ADRA1B: variants seen among roughly 807,000 people sequenced by gnomAD.
ADRA1B encodes alpha-1B adrenergic receptor.
Under a neutral mutation model 17.9 loss-of-function variants are expected in ADRA1B, and 17 were observed. The observed-to-expected ratio is 0.95, with a 90% confidence interval of 0.65 to 1.42. ADRA1B has a LOEUF of 1.42. Ranked by LOEUF, ADRA1B falls within the 40% of genes most tolerant of loss-of-function variation. The pLI is 0.00. For missense variants in ADRA1B, 681 were observed against 722.1 expected (o/e 0.94, Z 0.65); for synonymous variants, 366 against 327.6 (o/e 1.12, Z -1.27).
intron 1 of ADRA1B, among the ~76,000 whole-genome samples, chr5:159,909,676 G>A (rs904873037): frequency 1.3e-5 from 2 of 152,200 alleles, no homozygotes; most frequent in African/African-American, 4.8e-5. Flanking sequence ...GACAAGGAAG[G>A]CCGGCATCAA....
At chr5:159,975,300 A>T (rs1755955043), downstream of ADRA1B, among the ~76,000 whole-genome samples, 1 of 152,170 alleles carries the variant, frequency 6.6e-6, no homozygotes, top group African/African-American at 2.4e-5. Flanking sequence ...AATGATGTTT[A>T]AAAATCACTG....
chr5:159,983,679 T>C, the ADRA1B span, among the ~76,000 whole-genome samples: 2 of 152,148 alleles, frequency 1.3e-5, no homozygotes, highest in Non-Finnish European at 2.9e-5. Flanking sequence ...ATCATCTGTT[T>C]GCATAAAATG....
chr5:159,867,606 T>C (rs998564686), intron 1 of ADRA1B, among the ~76,000 whole-genome samples: 1 of 152,154 alleles, frequency 6.6e-6, no homozygotes, highest in Non-Finnish European at 1.5e-5. Flanking sequence ...CAAGGGGTTT[T>C]TCCACATCAG....
upstream of ADRA1B, chr5:159,916,131 T>C (rs374387572): frequency 2.6e-5 from 4 of 152,296 alleles, no homozygotes; most frequent in East Asian, 1.9e-4. Context: ...GCTGGACAAG[T>C]TGCATATCCC....
intron 1 of ADRA1B, among the ~76,000 whole-genome samples, chr5:159,924,323 A>G (rs1229022514): frequency 6.6e-6 from 1 of 152,102 alleles, no homozygotes; most frequent in Non-Finnish European, 1.5e-5. Flanking sequence ...CCTACTTGGC[A>G]AAATTAAAAG....
At chr5:159,975,671 C>T (rs965399170), downstream of ADRA1B, among the ~76,000 whole-genome samples, 1 of 152,190 alleles carries the variant, frequency 6.6e-6, no homozygotes, top group Admixed American at 6.5e-5. Context: ...GAAGACTGGC[C>T]AAGTAGTGGC....
intron 1 of ADRA1B, among the ~76,000 whole-genome samples, chr5:159,935,377 G>C (rs578241305): frequency 8.5e-5 from 13 of 152,202 alleles, no homozygotes; most frequent in African/African-American, 7.2e-5. Context: ...GGACACCCAT[G>C]AGTCTTCCAT....
chr5:159,959,970 T>C (rs1358958075), intron 1 of ADRA1B, among the ~76,000 whole-genome samples: 1 of 152,148 alleles, frequency 6.6e-6, no homozygotes, highest in Non-Finnish European at 1.5e-5. Context: ...TTAATATCTG[T>C]GTCATATTGG....
chr5:159,881,299 T>C (rs1396927572), intron 1 of ADRA1B, among the ~76,000 whole-genome samples: 2 of 131,982 alleles, frequency 1.5e-5, no homozygotes, highest in African/African-American at 5.8e-5. Flanking sequence ...TATCAGAAAG[T>C]TCTCTCTCTC....
At chr5:159,955,209 C>T in intron 1 of ADRA1B, 2 of 985,288 alleles carry the variant, frequency 2.0e-6, no homozygotes, top group Non-Finnish European at 1.2e-6. Flanking sequence ...TTGGAGAAGT[C>T]CTGAGGGCTG....
chr5:159,927,414 C>CACACACACACACAT (rs1554090089), intron 1 of ADRA1B, among the ~76,000 whole-genome samples: 1 of 151,160 alleles, frequency 6.6e-6, no homozygotes, highest in Non-Finnish European at 1.5e-5. Flanking sequence ...CACACACACA[C>CACACACACACACAT]GTATGCATAG....
chr5:159,903,145 C>A (rs993739002), intron 1 of ADRA1B, among the ~76,000 whole-genome samples: 1 of 152,184 alleles, frequency 6.6e-6, no homozygotes, highest in Non-Finnish European at 1.5e-5. Flanking sequence ...AGTTTGGAAC[C>A]AGCATCCTGT....
At chr5:159,913,662 T>C (rs542582884), upstream of ADRA1B, among the ~76,000 whole-genome samples, 1 of 152,252 alleles carries the variant, frequency 6.6e-6, no homozygotes, top group South Asian at 2.1e-4. Context: ...GATTTGCTCT[T>C]TTTTTTTCAT....
At chr5:159,879,775 C>T (rs1753836492) in intron 1 of ADRA1B, among the ~76,000 whole-genome samples, 1 of 152,146 alleles carries the variant, frequency 6.6e-6, no homozygotes, top group Non-Finnish European at 1.5e-5. Flanking sequence ...GCGGGCGGAT[C>T]ACTTGAGCTC....
In ADRA1B at chr5:159,972,255, C is replaced by A; in HGVS notation, c.1326C>A (p.Cys442Ter). The change falls in exon 2 of 2, where the codon TGC (cysteine) becomes TGA (stop). Residue 442 changes from cysteine (C) to a stop codon, truncating the protein, a stop_gained. Transcript: ENST00000306675. LOFTEE classifies it low-confidence loss of function (END_TRUNC). ...GCGCGCCACCGCCAGTCGAGCTGTG[C>A]GCCTTCCCCGAGTGGAAGGCGCCCG... ...GRGAPPPVEL[C>*]AFPEWKAPGA... 1 of 1,353,634 alleles carries A rather than the reference C, an allele frequency of 7.4e-7. No homozygotes were observed. The highest frequency in any genetic ancestry group is 9.5e-7 in the Non-Finnish European group (1 of 1,053,356). The allele number at this position is 1,353,634 out of a possible 1,614,324, so 83.9% of individuals were successfully genotyped here.
chr5:159,929,642 G>T (rs933301648), intron 1 of ADRA1B, among the ~76,000 whole-genome samples: 10 of 151,778 alleles, frequency 6.6e-5, no homozygotes, highest in Non-Finnish European at 1.5e-4. Context: ...AGGGAACTTG[G>T]ACCGTGCCAT....
chr5:159,977,566 T>C (rs143536664), downstream of ADRA1B, among the ~76,000 whole-genome samples: 1 of 152,278 alleles, frequency 6.6e-6, no homozygotes, highest in Non-Finnish European at 1.5e-5. Flanking sequence ...TCCACGGTTT[T>C]CCCAGCATAT....
intron 1 of ADRA1B, among the ~76,000 whole-genome samples, chr5:159,961,240 C>G (rs1755659216): frequency 6.6e-6 from 1 of 152,216 alleles, no homozygotes; most frequent in African/African-American, 2.4e-5. Context: ...TTAATTTCCT[C>G]CTCTGCAAAA....
At chr5:159,980,570 A>C in the ADRA1B span, among the ~76,000 whole-genome samples, 2 of 152,202 alleles carry the variant, frequency 1.3e-5, no homozygotes, top group African/African-American at 4.8e-5. Flanking sequence ...TGGTTCTGCT[A>C]CTTGCCAGCT....
Sources: gnomAD v4.1 joint callset for allele counts (sites outside exome capture counted in the v4.1 genomes callset) on GRCh38, gnomAD v4.1.1 for gene constraint, MANE v1.5 for transcripts, NCBI Gene and HGNC (gene_info 2026-07-23, HGNC 2026-07-21) for gene names.